The following KIAA1671 variants were observed in gnomAD, a reference collection of about 807,000 sequenced individuals.
KIAA1671 encodes uncharacterized protein KIAA1671.
In KIAA1671, 52 loss-of-function variants were observed where a neutral mutation model predicts 131.2. The ratio of observed to expected loss-of-function variants is 0.40; its 90% CI spans 0.32 to 0.50. The LOEUF is 0.50. Among genes scored for constraint, KIAA1671 ranks in the 20% least tolerant of loss-of-function variants. KIAA1671 has a pLI of 0.73. For synonymous variants in KIAA1671, 1,003 were observed against 961.6 expected (o/e 1.04, Z -0.80); for missense variants, 2,360 against 2,364.2 (o/e 1.00, Z 0.04).
intron 6 of KIAA1671, chr22:25,070,178 T>G (rs1928738520): frequency 2.6e-6 from 1 of 390,016 alleles, no homozygotes; most frequent in Non-Finnish European, 4.5e-6. Flanking sequence ...TGGTGGCTTC[T>G]CAGTTCCCCA....
chr22:25,108,070 G>A (rs1568959743), intron 6 of KIAA1671, among the ~76,000 whole-genome samples: 1 of 152,042 alleles, frequency 6.6e-6, no homozygotes, highest in Non-Finnish European at 1.5e-5. Context: ...GTCATTAACT[G>A]GCAAGCCATT....
At chr22:25,167,387 G>A (rs930471394) in intron 6 of KIAA1671, among the ~76,000 whole-genome samples, 1 of 152,136 alleles carries the variant, frequency 6.6e-6, no homozygotes, top group African/African-American at 2.4e-5. Flanking sequence ...AGGGGTGTTC[G>A]TCATATTATT....
At chr22:25,084,159 G>A (rs2145868237) in intron 6 of KIAA1671, among the ~76,000 whole-genome samples, 1 of 152,316 alleles carries the variant, frequency 6.6e-6, no homozygotes, top group South Asian at 2.1e-4. Context: ...CCCCCTCTGT[G>A]TCCTGAGAGA....
At chr22:25,004,116 C>CA (rs200280476) in intron 1 of KIAA1671, among the ~76,000 whole-genome samples, 96 of 144,008 alleles carry the variant, frequency 6.7e-4, no homozygotes, top group East Asian at 2.6e-3. Context: ...TGTGCCCGGC[C>CA]ATTTTTTTTT....
intron 6 of KIAA1671, among the ~76,000 whole-genome samples, chr22:25,077,644 C>T (rs1929186808): frequency 6.6e-6 from 1 of 152,172 alleles, no homozygotes; most frequent in Non-Finnish European, 1.5e-5. Flanking sequence ...AGGTGCAGAT[C>T]CCTCACCTGC....
At chr22:25,136,947 T>C (rs1313778981) in intron 6 of KIAA1671, among the ~76,000 whole-genome samples, 1 of 152,148 alleles carries the variant, frequency 6.6e-6, no homozygotes, top group Non-Finnish European at 1.5e-5. Context: ...TTAGGAAATG[T>C]GAAATAGTGA....
chr22:25,040,153 G>T lies in KIAA1671; in HGVS notation c.3023G>T (p.Arg1008Leu). 1 of 1,551,658 alleles carries T rather than the reference G, an allele frequency of 6.4e-7. No individual in the cohort carries two copies. ...ETQEVNPGAS[R>L]DQTSPAVKQG... ...CAGGAGGTGAACCCAGGTGCTTCACGGGACCAGACTTCCCCAGCAGTGAAG... is the reference window on the plus strand; with the variant it reads ...CAGGAGGTGAACCCAGGTGCTTCACTGGACCAGACTTCCCCAGCAGTGAAG... The change falls in exon 5 of 13, where the codon CGG becomes CTG. Residue 1008 changes from arginine to leucine, a missense_variant. This residue lies in a region of KIAA1671 where 1,161 missense variants were observed against 1,204.7 expected (regional missense o/e 0.96). Coordinates refer to ENST00000358431, the MANE Select transcript of KIAA1671 (RefSeq NM_001145206.2).
At chr22:25,047,476 T>C (rs59122301) in intron 5 of KIAA1671, among the ~76,000 whole-genome samples, 3 of 126,144 alleles carry the variant, frequency 2.4e-5, no homozygotes, top group East Asian at 2.0e-4. Context: ...CCTTTTTTTT[T>C]TTTTTTTTTT....
At position 25,039,040 on chromosome 22, in the gene KIAA1671, CT is replaced by C; in HGVS notation, c.1911del (p.Gly638ValfsTer28). 1 of 1,551,772 alleles carries C rather than the reference CT, an allele frequency of 6.4e-7. No individual in the cohort carries two copies. Among genetic ancestry groups the C allele is most frequent in the Non-Finnish European group, 8.7e-7 (1 of 1,147,032 alleles). ...QSGRCLSTTP[P>X]GDMAHARVSE... ...GGACGTTGTCTCTCCACCACACCCC[CT>C]GGTGACATGGCCCATGCCCGTGTCT... On this transcript the variant is annotated frameshift_variant, in exon 5 of 13. Transcript: ENST00000358431. LOFTEE classifies it high-confidence loss of function.
chr22:25,058,471 T>A (rs1347700767), intron 6 of KIAA1671: 3 of 152,212 alleles, frequency 2.0e-5, no homozygotes, highest in South Asian at 2.1e-4. Context: ...TCTTGAATAG[T>A]CTTGGTCAGG....
chr22:24,959,925 G>A (rs1043401576), intron 1 of KIAA1671, among the ~76,000 whole-genome samples: 2 of 151,894 alleles, frequency 1.3e-5, no homozygotes, highest in African/African-American at 4.8e-5. Context: ...ATCATTTGAG[G>A]TCAGGAGTTC....
chr22:24,967,885 C>T (rs978726394), intron 1 of KIAA1671, among the ~76,000 whole-genome samples: 3 of 151,984 alleles, frequency 2.0e-5, no homozygotes, highest in African/African-American at 4.8e-5. Flanking sequence ...CCCAGCTACT[C>T]GGGAGGCTGA....
intron 6 of KIAA1671, among the ~76,000 whole-genome samples, chr22:25,101,190 T>C (rs535611571): frequency 4.6e-5 from 7 of 152,310 alleles, no homozygotes; most frequent in African/African-American, 1.7e-4. Flanking sequence ...CAGGGTCTGA[T>C]TGCCCCCAGA....
chr22:25,019,628 T>A (rs2123888816), intron 1 of KIAA1671, among the ~76,000 whole-genome samples: 2 of 151,530 alleles, frequency 1.3e-5, no homozygotes, highest in African/African-American at 4.8e-5. Flanking sequence ...CCCTGTTCTC[T>A]TCCAGACCTC....
intron 6 of KIAA1671, among the ~76,000 whole-genome samples, chr22:25,101,554 G>A (rs1322215194): frequency 6.6e-6 from 1 of 152,218 alleles, no homozygotes; most frequent in African/African-American, 2.4e-5. Context: ...TCACTAAAAT[G>A]ACTATTTGAA....
intron 1 of KIAA1671, among the ~76,000 whole-genome samples, chr22:24,957,929 C>T (rs372436648): frequency 1.3e-5 from 2 of 148,562 alleles, no homozygotes; most frequent in South Asian, 2.1e-4. Context: ...CCACCCACCT[C>T]GGCCTCCCAA....
At chr22:25,155,045 G>A (rs1476815205) in intron 6 of KIAA1671, among the ~76,000 whole-genome samples, 1 of 152,186 alleles carries the variant, frequency 6.6e-6, no homozygotes, top group Non-Finnish European at 1.5e-5. Flanking sequence ...CACTCTGTCT[G>A]AGGCCCAGGG....
intron 5 of KIAA1671, among the ~76,000 whole-genome samples, chr22:25,048,320 T>TG (rs1162970752): frequency 2.6e-5 from 4 of 151,122 alleles, no homozygotes; most frequent in African/African-American, 9.7e-5. Context: ...TTTAAAGCCA[T>TG]GGGGGGCGTG....
At chr22:24,958,425 G>A (rs1242617990) in intron 1 of KIAA1671, among the ~76,000 whole-genome samples, 1 of 152,054 alleles carries the variant, frequency 6.6e-6, no homozygotes, top group Non-Finnish European at 1.5e-5. Flanking sequence ...TGAGGTGGGC[G>A]GATCACCTGA....
Sources: gnomAD v4.1 joint callset for allele counts (sites outside exome capture counted in the v4.1 genomes callset) on GRCh38, gnomAD v4.1.1 for gene constraint, gnomAD v4.1.1 regional missense constraint, MANE v1.5 for transcripts, NCBI Gene and HGNC (gene_info 2026-07-23, HGNC 2026-07-21) for gene names.